Variants in CPNE4 observed in about 807,000 individuals in gnomAD.
The protein encoded by CPNE4 is copine-4.
In CPNE4, 25 loss-of-function variants were observed where a neutral mutation model predicts 67.9. That is an observed-to-expected ratio of 0.37 (90% confidence interval 0.27 to 0.51). The LOEUF (loss-of-function observed/expected upper bound fraction) is 0.51, where lower values mean the gene tolerates loss of function less well. Ranked by LOEUF, CPNE4 falls within the 20% of genes least tolerant of loss-of-function variation. The pLI is 0.93. For synonymous variants in CPNE4, 242 were observed against 244.9 expected (o/e 0.99, Z 0.11); for missense variants, 464 against 690.8 (o/e 0.67, Z 3.68).
At chr3:131,744,045 T>A (rs1488262525) in intron 2 of CPNE4, among the ~76,000 whole-genome samples, 1 of 135,964 alleles carries the variant, frequency 7.4e-6, no homozygotes, top group Non-Finnish European at 1.6e-5. Context: ...TTGTTATCCT[T>A]TAATATTATT....
intron 7 of CPNE4, among the ~76,000 whole-genome samples, chr3:131,643,913 C>A (rs2079599019): frequency 6.6e-6 from 1 of 152,140 alleles, no homozygotes; most frequent in Non-Finnish European, 1.5e-5. Flanking sequence ...GCCTCCCCAG[C>A]CCTGCAGAAC....
At chr3:131,850,779 T>C (rs2086209332) in intron 2 of CPNE4, among the ~76,000 whole-genome samples, 1 of 152,102 alleles carries the variant, frequency 6.6e-6, no homozygotes, top group South Asian at 2.1e-4. Flanking sequence ...TTAACCCCCA[T>C]AATAATCCTA....
rs1403696840 is a variant in CPNE4 at position 131,715,067 on chromosome 3, G to GA, written c.360+8378dup. Among the ~76,000 whole-genome samples the GA allele has an allele frequency of 7.3e-4, 111 of 152,214 alleles. 2 individuals carry two copies. The highest frequency in any genetic ancestry group is 5.0e-4 in the Non-Finnish European group (34 of 68,004). On this transcript the variant is annotated intron_variant, in intron 3 of 15. Transcript: ENST00000429747. Reference sequence around the variant, plus strand: ...CACTGAGAAGAGAAAATGCCTGCAAGAAAAGCAATGATGAAACCCAGGTGC... The same window carrying GA: ...CACTGAGAAGAGAAAATGCCTGCAAGAAAAAGCAATGATGAAACCCAGGTGC...
chr3:131,646,780 G>A (rs2079678053), intron 7 of CPNE4, among the ~76,000 whole-genome samples: 1 of 152,208 alleles, frequency 6.6e-6, no homozygotes, highest in Non-Finnish European at 1.5e-5. Context: ...TGAGCTGGTT[G>A]AAGAAAAAGA....
chr3:131,709,491 G>T (rs1012017738), intron 3 of CPNE4, among the ~76,000 whole-genome samples: 6 of 152,178 alleles, frequency 3.9e-5, no homozygotes, highest in African/African-American at 1.4e-4. Context: ...TGCAGGCTTT[G>T]CAGATGTTGT....
At chr3:131,698,680 G>T (rs1161238126) in intron 4 of CPNE4, among the ~76,000 whole-genome samples, 1 of 151,644 alleles carries the variant, frequency 6.6e-6, no homozygotes. Context: ...GGGAAGCCGA[G>T]GGGGGCGGAT....
chr3:131,989,009 T>C (rs918773472), intron 1 of CPNE4, among the ~76,000 whole-genome samples: 1 of 152,242 alleles, frequency 6.6e-6, no homozygotes, highest in Non-Finnish European at 1.5e-5. Flanking sequence ...TTGACTATGT[T>C]ATATAGAGAT....
At chr3:131,749,012 C>G (rs1281663333) in intron 2 of CPNE4, among the ~76,000 whole-genome samples, 1 of 151,764 alleles carries the variant, frequency 6.6e-6, no homozygotes, top group Admixed American at 6.6e-5. Context: ...TTTTGATTTA[C>G]TTTGATGTTA....
chr3:131,556,151 A>G (rs748765449), intron 11 of CPNE4, among the ~76,000 whole-genome samples: 33 of 152,046 alleles, frequency 2.2e-4, no homozygotes, highest in Non-Finnish European at 3.2e-4. Flanking sequence ...AGGTGGGTAG[A>G]TCACTTGAGG....
At chr3:131,719,835 C>T (rs767173168) in intron 3 of CPNE4, among the ~76,000 whole-genome samples, 7 of 152,202 alleles carry the variant, frequency 4.6e-5, no homozygotes, top group Non-Finnish European at 8.8e-5. Flanking sequence ...ACTGTTTCTT[C>T]ATGCGTGTCT....
In CPNE4 at chr3:132,034,999, AT is replaced by A; in HGVS notation, c.-435del. 1.0e-6 allele frequency: 1 copy of A among 984,924 alleles called. No individual in the cohort carries two copies. Among genetic ancestry groups the A allele is most frequent in the Non-Finnish European group, 1.2e-6 (1 of 830,002 alleles). The allele number at this position is 984,924 out of a possible 1,614,324, so 61.0% of individuals were successfully genotyped here. On this transcript the variant is annotated 5_prime_UTR_variant, in exon 1 of 16. Transcript: ENST00000429747. Reference sequence around the variant, plus strand: ...GGAGATGGCAGCTTCTCACAGAGAGATTTCCACCTTCTGACGAATCCCATGC... The same window carrying A: ...GGAGATGGCAGCTTCTCACAGAGAGATTCCACCTTCTGACGAATCCCATGC...
intron 1 of CPNE4, among the ~76,000 whole-genome samples, chr3:132,024,516 T>C (rs1039042611): frequency 6.6e-6 from 1 of 152,160 alleles, no homozygotes; most frequent in African/African-American, 2.4e-5. Context: ...CTCCTCTGTC[T>C]CCCACTTGCT....
chr3:131,624,402 G>C (rs73001205), intron 7 of CPNE4, among the ~76,000 whole-genome samples: 41,941 of 152,052 alleles, frequency 0.28, 9,539 homozygotes, highest in African/African-American at 0.63. Flanking sequence ...ATACCTTGGG[G>C]AGAAGTAACT....
At chr3:131,830,017 A>G (rs1013610498) in intron 2 of CPNE4, among the ~76,000 whole-genome samples, 2 of 152,220 alleles carry the variant, frequency 1.3e-5, no homozygotes, top group Non-Finnish European at 2.9e-5. Flanking sequence ...ACCTGGTCAT[A>G]GAGGCAAAGC....
At chr3:131,617,980 G>A (rs112331543) in intron 7 of CPNE4, among the ~76,000 whole-genome samples, 24 of 152,174 alleles carry the variant, frequency 1.6e-4, no homozygotes, top group Non-Finnish European at 4.4e-5. Context: ...GACAGATACT[G>A]TGCTAAATGC....
At chr3:131,737,598 G>T (rs1388365282) in intron 2 of CPNE4, among the ~76,000 whole-genome samples, 3 of 152,092 alleles carry the variant, frequency 2.0e-5, no homozygotes, top group African/African-American at 7.2e-5. Flanking sequence ...ACAGGGCTGG[G>T]CACTCTCAGG....
At chr3:131,832,069 T>C (rs1029816526) in intron 2 of CPNE4, among the ~76,000 whole-genome samples, 1 of 152,230 alleles carries the variant, frequency 6.6e-6, no homozygotes, top group African/African-American at 2.4e-5. Context: ...GTTCTCATTG[T>C]CAGGGGTTCA....
chr3:131,916,268 C>A (rs2089177863), intron 1 of CPNE4, among the ~76,000 whole-genome samples: 1 of 148,542 alleles, frequency 6.7e-6, no homozygotes. Context: ...TTAATAAAAT[C>A]ATAGTTTGGA....
At chr3:132,036,353 G>A (rs2074338424), upstream of CPNE4, among the ~76,000 whole-genome samples, 1 of 152,256 alleles carries the variant, frequency 6.6e-6, no homozygotes, top group East Asian at 1.9e-4. Context: ...ACAATGTCTA[G>A]GAGCATGTGA....
Sources: gnomAD v4.1 joint callset for allele counts (sites outside exome capture counted in the v4.1 genomes callset) on GRCh38, gnomAD v4.1.1 for gene constraint, MANE v1.5 for transcripts, NCBI Gene and HGNC (gene_info 2026-07-23, HGNC 2026-07-21) for gene names.